Variants in PKHD1L1 observed in about 807,000 individuals in gnomAD.
The protein encoded by PKHD1L1 is PKHD1 like 1, also known as fibrocystin-L.
Under a neutral mutation model 462.9 loss-of-function variants are expected in PKHD1L1, and 434 were observed. The observed-to-expected ratio is 0.94, with a 90% CI of 0.87 to 1.02. The LOEUF is 1.02. PKHD1L1 is among the 50% of genes least tolerant of loss of function. The pLI is 0.00. For synonymous variants in PKHD1L1, 1,781 were observed against 1,750.0 expected (o/e 1.02, Z -0.44); for missense variants, 5,202 against 5,096.1 (o/e 1.02, Z -0.63).
chr8:109,412,495 A>C (rs938679847), intron 20 of PKHD1L1, 81 bp downstream of exon 20: 126 of 1,382,340 alleles, frequency 9.1e-5, no homozygotes, highest in Non-Finnish European at 1.2e-4. Context: ...AAGACAAGAA[A>C]AAATATTTGC....
chr8:109,441,071 T>C (rs1167365033), intron 33 of PKHD1L1, among the ~76,000 whole-genome samples: 1 of 152,104 alleles, frequency 6.6e-6, no homozygotes. Context: ...ATGCGACATA[T>C]AGAGTGGAGG....
At chr8:109,470,923 T>C (rs1197671555) in intron 50 of PKHD1L1, 3 of 1,598,312 alleles carry the variant, frequency 1.9e-6, no homozygotes, top group African/African-American at 1.3e-5. Flanking sequence ...GAGAGAGAAA[T>C]GAGGAAGGAT....
rs1821141329 is a variant in PKHD1L1 at position 109,536,075 on chromosome 8, A to G, written c.*5985A>G. Among the ~76,000 whole-genome samples, 1 of 152,146 alleles carries G rather than the reference A, an allele frequency of 6.6e-6. No individual in the cohort carries two copies. The highest frequency in any genetic ancestry group is 6.5e-5 in the Admixed American group (1 of 15,276). On this transcript the variant is annotated 3_prime_UTR_variant, in exon 78 of 78. Transcript: ENST00000378402. ...CTTTGTTAATATATTGCTAGTAGAC[A>G]TGTCTACTTCTGGTTGCTGATGACA...
rs372533419 is a variant in PKHD1L1 at position 109,515,154 on chromosome 8, T to C, written c.11554-16T>C. ...TCTATTTTGTTGCTTTCTTAAAACT[T>C]TTTTTTCTTTAATAGGCTGTTCTAG... On this transcript the variant is annotated splice_polypyrimidine_tract_variant and intron_variant, in intron 71 of 77. Coordinates refer to ENST00000378402, the MANE Select transcript of PKHD1L1 (RefSeq NM_177531.6). The C allele has an allele frequency of 8.7e-5, 133 of 1,520,960 alleles. 1 individual carries two copies. In the African/African-American group the frequency reaches 1.7e-3, roughly 20 times the overall value. 94.2% of individuals were successfully genotyped at this position (1,520,960 alleles called of 1,614,324 possible). A position where few individuals can be genotyped will look rare whatever the true frequency, so the allele number is the denominator to read the frequency against.
intron 77 of PKHD1L1, 72 bp from the exon 78 acceptor site, chr8:109,530,008 T>C: frequency 2.1e-6 from 2 of 930,654 alleles, no homozygotes; most frequent in South Asian, 2.8e-5. Context: ...TTAAAATTAA[T>C]GAAATATATT....
rs549071281 is a variant in PKHD1L1 at position 109,462,354 on chromosome 8, T to C, written c.7383+446T>C. Among the ~76,000 whole-genome samples the C allele has an allele frequency of 1.3e-3, 204 of 152,190 alleles. 2 individuals are homozygous for C. Among genetic ancestry groups the C allele is most frequent in the African/African-American group, 4.7e-3 (196 of 41,538 alleles). On this transcript the variant is annotated intron_variant, in intron 48 of 77. Coordinates refer to ENST00000378402, the MANE Select transcript of PKHD1L1 (RefSeq NM_177531.6). The stretch of plus-strand genomic sequence containing the variant: ...TCTTCAAAATCCTTCAGTGGCTTCA[T>C]GGTATACGTAAAACAACAGGTCCAA...
chr8:109,475,682 C>CAT (rs1279991662), intron 51 of PKHD1L1, among the ~76,000 whole-genome samples: 1 of 134,604 alleles, frequency 7.4e-6, no homozygotes, highest in African/African-American at 2.7e-5. Context: ...ATTAAAAATA[C>CAT]AAAAAAAAAA....
chr8:109,520,325 C>T (rs375651915), intron 73 of PKHD1L1, among the ~76,000 whole-genome samples: 1 of 152,078 alleles, frequency 6.6e-6, no homozygotes, highest in Non-Finnish European at 1.5e-5. Flanking sequence ...TACTCACCTA[C>T]TCTTAGAAAT....
chr8:109,410,929 A>G (rs976845934), intron 19 of PKHD1L1, among the ~76,000 whole-genome samples: 6 of 150,914 alleles, frequency 4.0e-5, no homozygotes, highest in Admixed American at 6.6e-5. Context: ...GGGTTTCACA[A>G]TGTTGGCCAG....
chr8:109,386,588 C>T (rs913084953), intron 6 of PKHD1L1, among the ~76,000 whole-genome samples: 1 of 152,136 alleles, frequency 6.6e-6, no homozygotes, highest in Non-Finnish European at 1.5e-5. Flanking sequence ...AATTAAATCA[C>T]ATTTGTATGC....
Position 109,526,781 on chromosome 8 carries a change from C to T in PKHD1L1, c.12485-3C>T. ...CAAACACTATGATGCTTTTTTTTTC[C>T]AGGAAAAAATTATAAGATTGAATTT... is the stretch of plus-strand genomic sequence containing the variant. On this transcript the variant is annotated splice_region_variant and splice_polypyrimidine_tract_variant and intron_variant, in intron 76 of 77. Coordinates refer to ENST00000378402, the MANE Select transcript of PKHD1L1 (RefSeq NM_177531.6). 5.2e-6 allele frequency: 8 copies of T among 1,528,192 alleles called. No homozygotes were observed. The highest frequency in any genetic ancestry group is 4.4e-5 in the Admixed American group (2 of 45,368). 94.7% of individuals were successfully genotyped at this position (1,528,192 alleles called of 1,614,324 possible).
Position 109,498,471 on chromosome 8 carries a change from A to T in PKHD1L1, c.10609A>T (p.Ile3537Phe). 6.2e-7 allele frequency: 1 copy of T among 1,606,922 alleles called. No individual in the cohort carries two copies. Among genetic ancestry groups the T allele is most frequent in the Non-Finnish European group, 8.5e-7 (1 of 1,173,668 alleles). ...GCTTATTTCCAAACAGAGCTCATTA[A>T]TTGTTGGAAGTAGCCCTGGGTTTAA... ...SKNVQIKSSL[I>F]VGSSPGFNCS... Residue 3537 changes from isoleucine to phenylalanine, a missense_variant, in exon 66 of 78, where the codon ATT becomes TTT. Physicochemically the swap from Ile to Phe is conservative, Grantham distance 21. Transcript: ENST00000378402.
Position 109,507,772 on chromosome 8 carries a change from CA to C in PKHD1L1, c.11106del (p.Ala3703GlnfsTer11), listed in dbSNP as rs1380604512. ...FLGNAGSVIP[Q>X]AEYEWDGNSQ... ...GGGGAATGCTGGTTCTGTGATACCT[CA>C]AGCAGAATATGAATGGGACGGAAAC... On this transcript the variant is annotated frameshift_variant, in exon 69 of 78. Transcript: ENST00000378402. LOFTEE classifies it high-confidence loss of function. The C allele has an allele frequency of 1.9e-6, 3 of 1,613,282 alleles. No homozygotes were observed. Among genetic ancestry groups the C allele is most frequent in the Non-Finnish European group, 2.5e-6 (3 of 1,179,664 alleles).
intron 63 of PKHD1L1, among the ~76,000 whole-genome samples, chr8:109,494,356 C>T (rs1284628211): frequency 1.3e-5 from 2 of 151,862 alleles, no homozygotes; most frequent in African/African-American, 2.4e-5. Flanking sequence ...ATCACATGTG[C>T]GTTTACCTTT....
chr8:109,525,876 A>G (rs1241472914), intron 76 of PKHD1L1, among the ~76,000 whole-genome samples: 2 of 152,206 alleles, frequency 1.3e-5, no homozygotes, highest in Admixed American at 1.3e-4. Context: ...ATTGTTCATG[A>G]AACCACAGAT....
intron 12 of PKHD1L1, among the ~76,000 whole-genome samples, chr8:109,399,862 A>G (rs1036375113): frequency 1.3e-5 from 2 of 152,192 alleles, no homozygotes; most frequent in African/African-American, 4.8e-5. Context: ...CATATGTGGA[A>G]ACTGAGGCTC....
intron 14 of PKHD1L1, among the ~76,000 whole-genome samples, chr8:109,403,187 C>G (rs1813362313): frequency 6.6e-6 from 1 of 152,178 alleles, no homozygotes; most frequent in Non-Finnish European, 1.5e-5. Context: ...ACTGTGCTTA[C>G]AATGATGGCT....
At position 109,417,296 on chromosome 8, in the gene PKHD1L1, A is replaced by G. The variant is rs150357090; in HGVS notation, c.2361-1801A>G. On this transcript the variant is annotated intron_variant, in intron 21 of 77. Coordinates refer to ENST00000378402, the MANE Select transcript of PKHD1L1 (RefSeq NM_177531.6). The stretch of plus-strand genomic sequence containing the variant: ...TTATGCATTGCATGGCTGTATCAAA[A>G]CATCTCATGTACCCCACAAATATAT... Among the ~76,000 whole-genome samples, 1,374 of 152,300 alleles carry G rather than the reference A, an allele frequency of 9.0e-3. 19 individuals are homozygous for G. Among genetic ancestry groups the G allele is most frequent in the African/African-American group, 0.03 (1,260 of 41,566 alleles).
At position 109,396,024 on chromosome 8, in the gene PKHD1L1, C is replaced by A; in HGVS notation, c.812-3C>A. On this transcript the variant is annotated splice_polypyrimidine_tract_variant and splice_region_variant and intron_variant, in intron 10 of 77. Transcript: ENST00000378402. ...TATTTTATTTAATGTGGTTTTCCCC[C>A]AGAGGTCACCATGATTTTCCCTTCA... The A allele has an allele frequency of 1.3e-6, 2 of 1,578,380 alleles. No individual in the cohort carries two copies. The highest frequency in any genetic ancestry group is 2.3e-5 in the East Asian group (1 of 43,710).
Sources: gnomAD v4.1 joint callset for allele counts (sites outside exome capture counted in the v4.1 genomes callset) on GRCh38, gnomAD v4.1.1 for gene constraint, MANE v1.5 for transcripts, NCBI Gene and HGNC (gene_info 2026-07-23, HGNC 2026-07-21) for gene names.